RBFOX1: variants seen among roughly 807,000 people sequenced by gnomAD.
RBFOX1 encodes RNA binding protein fox-1 homolog 1.
Under a neutral mutation model 57.7 loss-of-function variants are expected in RBFOX1, and 8 were observed. The ratio of observed to expected loss-of-function variants is 0.14; its 90% CI spans 0.08 to 0.25. The LOEUF (loss-of-function observed/expected upper bound fraction) is 0.25, where lower values mean the gene tolerates loss of function less well. RBFOX1 is among the 10% of genes least tolerant of loss of function. The pLI, the probability that RBFOX1 is intolerant of heterozygous loss-of-function variation, is 1.00. For missense variants in RBFOX1, 611 were observed against 548.5 expected, an observed-to-expected ratio of 1.11 and a Z score of -1.14; for synonymous variants, 326 against 222.4, an observed-to-expected ratio of 1.47 and a Z score of -4.15.
intron 4 of RBFOX1, among the ~76,000 whole-genome samples, chr16:7,187,636 C>T (rs1314944034): frequency 8.2e-6 from 1 of 121,962 alleles, no homozygotes; most frequent in Non-Finnish European, 1.6e-5. Context: ...TTGCAGTGAG[C>T]CGAGATCGTG....
rs76534389 is a variant in RBFOX1, at chr16:6,470,999, C to A, written c.-64+153942C>A. The stretch of plus-strand genomic sequence containing the variant: ...TTCCTGCTTCCAGTGTTCCTTTCTG[C>A]ACACACGAGGGTAGCCTTCCTAGCA... On this transcript the variant is annotated intron_variant, in intron 2 of 15. Transcript: ENST00000550418. Among the ~76,000 whole-genome samples the A allele has an allele frequency of 5.7e-3, 869 of 152,272 alleles. 31 individuals carry two copies. The East Asian group carries it at 0.12, about 21-fold the overall frequency.
chr16:6,009,459 C>G (rs189021811), intron 4 of RBFOX1, among the ~76,000 whole-genome samples: 47 of 152,194 alleles, frequency 3.1e-4, no homozygotes, highest in African/African-American at 1.1e-3. Flanking sequence ...TTTCTTAGTC[C>G]TAGTTATGGC....
At chr16:5,340,992 G>A (rs140192946) in intron 1 of RBFOX1, among the ~76,000 whole-genome samples, 1 of 152,288 alleles carries the variant, frequency 6.6e-6, no homozygotes, top group African/African-American at 2.4e-5. Context: ...AGTGACCTGT[G>A]TGATATGAGG....
intron 2 of RBFOX1, among the ~76,000 whole-genome samples, chr16:5,495,820 C>A (rs1468762185): frequency 6.6e-6 from 1 of 152,202 alleles, no homozygotes; most frequent in Non-Finnish European, 1.5e-5. Flanking sequence ...ATGTTCCATC[C>A]CTTGGCTAAA....
intron 1 of RBFOX1, among the ~76,000 whole-genome samples, chr16:6,050,764 C>A (rs995954479): frequency 6.6e-6 from 1 of 151,922 alleles, no homozygotes; most frequent in Non-Finnish European, 1.5e-5. Context: ...ACAGGAAATA[C>A]AGGAAAAATG....
intron 3 of RBFOX1, among the ~76,000 whole-genome samples, chr16:6,914,229 G>C (rs2072494475): frequency 6.6e-6 from 1 of 152,092 alleles, no homozygotes; most frequent in Admixed American, 6.5e-5. Flanking sequence ...TTTATTCCTT[G>C]GTGGAATGTT....
At chr16:7,272,503 C>A (rs930730177) in intron 4 of RBFOX1, among the ~76,000 whole-genome samples, 16 of 152,172 alleles carry the variant, frequency 1.1e-4, no homozygotes, top group Non-Finnish European at 1.5e-5. Context: ...CTAGTTTAGA[C>A]ATATATGTTG....
At chr16:6,781,145 T>C (rs28805908) in intron 3 of RBFOX1, among the ~76,000 whole-genome samples, 95 of 152,286 alleles carry the variant, frequency 6.2e-4, no homozygotes, top group African/African-American at 2.2e-3. Context: ...TTAAATTCTT[T>C]AATCCGTTTT....
chr16:5,821,918 A>G (rs184048442), intron 3 of RBFOX1, among the ~76,000 whole-genome samples: 21 of 152,316 alleles, frequency 1.4e-4, no homozygotes, highest in Admixed American at 1.3e-3. Flanking sequence ...ATCACCTCCT[A>G]AAGACCCCAC....
intron 4 of RBFOX1, among the ~76,000 whole-genome samples, chr16:7,096,194 A>G (rs1419766113): frequency 6.6e-6 from 1 of 152,162 alleles, no homozygotes; most frequent in Admixed American, 6.5e-5. Flanking sequence ...ACTGGTAACC[A>G]TCGAGCAAAA....
chr16:7,256,086 C>T (rs560116869), intron 4 of RBFOX1, among the ~76,000 whole-genome samples: 1 of 152,306 alleles, frequency 6.6e-6, no homozygotes, highest in South Asian at 2.1e-4. Flanking sequence ...TTAAAGTCAT[C>T]ATTCATTTTT....
chr16:6,295,117 T>TTTTG (rs2077945683), intron 1 of RBFOX1, among the ~76,000 whole-genome samples: 1 of 146,356 alleles, frequency 6.8e-6, no homozygotes, highest in Non-Finnish European at 1.5e-5. Context: ...TTTTTTTTTT[T>TTTTG]TTTTTTTTTG....
At chr16:7,442,702 C>G (rs565765280) in intron 4 of RBFOX1, among the ~76,000 whole-genome samples, 4 of 152,044 alleles carry the variant, frequency 2.6e-5, no homozygotes, top group South Asian at 2.1e-4. Flanking sequence ...GAATCTTTTA[C>G]GAGGGTGGAT....
intron 3 of RBFOX1, among the ~76,000 whole-genome samples, chr16:5,717,405 T>C (rs1028400887): frequency 2.0e-5 from 3 of 152,184 alleles, no homozygotes; most frequent in Non-Finnish European, 2.9e-5. Context: ...TTTGGTTATA[T>C]GGATAAGTTC....
chr16:5,600,133 CA>C (rs35222906), exon 3 of RBFOX1: 5,994 of 99,680 alleles, frequency 0.06, 235 homozygotes, highest in African/African-American at 0.14. Flanking sequence ...ACTAAAAATA[CA>C]AAAAAAAAAA....
intron 2 of RBFOX1, among the ~76,000 whole-genome samples, chr16:5,519,852 T>A (rs2043943115): frequency 6.6e-6 from 1 of 152,248 alleles, no homozygotes; most frequent in South Asian, 2.1e-4. Context: ...ATCTTTCTCA[T>A]TTATTCATGA....
chr16:6,561,187 C>T (rs1480264080), intron 2 of RBFOX1, among the ~76,000 whole-genome samples: 4 of 152,110 alleles, frequency 2.6e-5, no homozygotes, highest in East Asian at 3.9e-4. Context: ...ATATGCTTCA[C>T]GCCCAAGCAA....
At position 6,859,129 on chromosome 16, in the gene RBFOX1, A is replaced by ATATATATATATGTATATATATATG. The variant is rs1567592071; in HGVS notation, c.-15-192928_-15-192927insTATATATATATGTATATATATATG. Among the ~76,000 whole-genome samples, 121 of 75,622 alleles carry ATATATATATATGTATATATATATG rather than the reference A, an allele frequency of 1.6e-3. 3 individuals carry two copies. The Middle Eastern group carries it at 0.018, about 11-fold the overall frequency. The allele number at this position is 75,622 out of a possible 152,430, so 49.6% of individuals were successfully genotyped here. ...AAAAAGTGTATATATATATATATAT[A>ATATATATATATGTATATATATATG]CATATATATACGTATATATATATGT... On this transcript the variant is annotated intron_variant, in intron 3 of 15. Coordinates refer to ENST00000550418, the MANE Select transcript of RBFOX1 (RefSeq NM_018723.4).
At chr16:5,873,021 C>T (rs555185698) in intron 4 of RBFOX1, among the ~76,000 whole-genome samples, 1 of 151,844 alleles carries the variant, frequency 6.6e-6, no homozygotes. Context: ...TGTGGTGGCA[C>T]GCACCTGTAG....
Sources: gnomAD v4.1 joint callset for allele counts (sites outside exome capture counted in the v4.1 genomes callset) on GRCh38, gnomAD v4.1.1 for gene constraint, MANE v1.5 for transcripts, NCBI Gene and HGNC (gene_info 2026-07-23, HGNC 2026-07-21) for gene names.